Variants in SNRPA observed in about 807,000 individuals in gnomAD.
SNRPA encodes small nuclear ribonucleoprotein polypeptide A, also known as U1 small nuclear ribonucleoprotein A.
A neutral mutation model predicts 24.5 loss-of-function variants in SNRPA; 10 were observed. That is an observed-to-expected ratio of 0.41 (90% CI 0.25 to 0.69). The LOEUF (loss-of-function observed/expected upper bound fraction) is 0.69. SNRPA is among the 30% of genes least tolerant of loss of function. The pLI, the probability that SNRPA is intolerant of heterozygous loss-of-function variation, is 0.33. For synonymous variants in SNRPA, 165 were observed against 148.4 expected, an observed-to-expected ratio of 1.11 and a Z score of -0.81; for missense variants, 283 against 394.7, an observed-to-expected ratio of 0.72 and a Z score of 2.40.
chr19:40,763,440 C>T, intron 4 of SNRPA, 147 bp from the exon 5 acceptor site: 6 of 706,278 alleles, frequency 8.5e-6, no homozygotes, highest in Non-Finnish European at 1.0e-5. Context: ...GGGAGGCAGA[C>T]AGGCAACAGA....
At chr19:40,757,249 C>G (rs1311079394) in intron 1 of SNRPA, 83 bp from the exon 2 acceptor site, 1 of 1,352,188 alleles carries the variant, frequency 7.4e-7, no homozygotes, top group Non-Finnish European at 1.0e-6. Flanking sequence ...CTGGGTACCC[C>G]ATCAATTGGC....
intron 3 of SNRPA, 145 bp from the exon 4 acceptor site, chr19:40,762,756 C>T: frequency 1.4e-6 from 1 of 716,474 alleles, no homozygotes; most frequent in Non-Finnish European, 2.3e-6. Context: ...GTTTGTTTTG[C>T]TCTGTCGGGC....
chr19:40,763,030 C>T lies in SNRPA; in HGVS notation c.556C>T (p.Pro186Ser), dbSNP rs374666711. The change falls in exon 4 of 6, where the codon CCC becomes TCC. Residue 186 changes from proline (P) to serine (S), a missense_variant. Transcript: ENST00000243563. ...APGQIPPGAMPPQQLMPGQMP... is the reference protein window; with the variant it reads ...APGQIPPGAMSPQQLMPGQMP... ...TGGCCAGATCCCACCAGGGGCCATG[C>T]CCCCGCAGCAGCTTATGCCAGGACA... 12 of 1,604,940 alleles carry T rather than the reference C, an allele frequency of 7.5e-6. No individual in the cohort carries two copies. The highest frequency in any genetic ancestry group is 2.2e-5 in the East Asian group (1 of 44,820).
chr19:40,757,167 C>G (rs1446884075), intron 1 of SNRPA, 165 bp from the exon 2 acceptor site: 1 of 626,934 alleles, frequency 1.6e-6, no homozygotes, highest in Non-Finnish European at 2.8e-6. Flanking sequence ...GAAGAGTGTA[C>G]TTGGCCACTT....
At position 40,757,451 on chromosome 19, in the gene SNRPA, G is replaced by A. The variant is rs750727750; in HGVS notation, c.193G>A (p.Ala65Thr). ...TGTCATCTTCAAGGAGGTCAGCAGCGCCACCAACGCCCTGCGCTCCATGCA... is the reference window on the plus strand; with the variant it reads ...TGTCATCTTCAAGGAGGTCAGCAGCACCACCAACGCCCTGCGCTCCATGCA... ...AFVIFKEVSS[A>T]TNALRSMQGF... Residue 65 changes from alanine (A) to threonine (T), a missense_variant, in exon 2 of 6, where the codon GCC becomes ACC. Ala to Thr is a moderately conservative substitution (Grantham distance 58). This residue lies in a region of SNRPA where 12 missense variants were observed against 45.6 expected (regional missense o/e 0.26). Coordinates refer to ENST00000243563, the MANE Select transcript of SNRPA (RefSeq NM_004596.5). The A allele has an allele frequency of 3.1e-6, 5 of 1,613,912 alleles. No homozygotes were observed. The highest frequency in any genetic ancestry group is 2.2e-5 in the South Asian group (2 of 91,072).
At chr19:40,761,458 C>CTTTTTTTTTTTTTTT (rs200242370) in intron 3 of SNRPA, among the ~76,000 whole-genome samples, 26 of 85,874 alleles carry the variant, frequency 3.0e-4, no homozygotes, top group South Asian at 4.6e-4. Context: ...TTTTCTTTTT[C>CTTTTTTTTTTTTTTT]TTTTTTTTTT....
chr19:40,757,618 C>G (rs1006494219), intron 2 of SNRPA, 114 bp downstream of exon 2: 5 of 982,012 alleles, frequency 5.1e-6, no homozygotes, highest in Non-Finnish European at 7.5e-6. Context: ...GAGGCTGGAC[C>G]AGGCTCCCAC....
chr19:40,764,957 G>A (rs781208751), intron 5 of SNRPA, 51 bp from the exon 6 acceptor site: 113 of 1,470,868 alleles, frequency 7.7e-5, no homozygotes, highest in Non-Finnish European at 9.4e-5. Context: ...ACTTGATGCC[G>A]TTACGTTAGG....
intron 2 of SNRPA, among the ~76,000 whole-genome samples, chr19:40,758,139 T>G (rs10153483): frequency 1 from 151,046 of 151,182 alleles, 75,456 homozygotes; most frequent in Middle Eastern, 1. Context: ...GCTGATTTTT[T>G]TATTTTTAGT....
intron 3 of SNRPA, among the ~76,000 whole-genome samples, chr19:40,761,360 A>G (rs1475552907): frequency 6.6e-6 from 1 of 152,014 alleles, no homozygotes; most frequent in Non-Finnish European, 1.5e-5. Context: ...GCCCTACCTC[A>G]TACTATATGC....
At chr19:40,754,025 T>C (rs1409217880) in intron 1 of SNRPA, among the ~76,000 whole-genome samples, 1 of 151,606 alleles carries the variant, frequency 6.6e-6, no homozygotes, top group Admixed American at 6.6e-5. Context: ...ATGGTGTTGA[T>C]TTCCTGACCT....
chr19:40,754,480 C>T (rs777945790), intron 1 of SNRPA, among the ~76,000 whole-genome samples: 19 of 152,042 alleles, frequency 1.2e-4, no homozygotes, highest in Non-Finnish European at 2.2e-4. Flanking sequence ...GTGTTGAGGG[C>T]TGGGATTGGG....
intron 3 of SNRPA, 29 bp from the exon 4 acceptor site, chr19:40,762,872 A>T: frequency 6.2e-7 from 1 of 1,609,502 alleles, no homozygotes; most frequent in Non-Finnish European, 8.5e-7. Context: ...GGCTGCTGTA[A>T]CCACGCACTC....
At chr19:40,751,543 C>G (rs1378216631) in intron 1 of SNRPA, 62 bp downstream of exon 1, 22 of 1,160,180 alleles carry the variant, frequency 1.9e-5, no homozygotes, top group Non-Finnish European at 2.3e-5. Flanking sequence ...CTCTTCCGTC[C>G]CCTGCACCCG....
chr19:40,752,084 TC>T (rs2082875514), intron 1 of SNRPA, among the ~76,000 whole-genome samples: 1 of 150,650 alleles, frequency 6.6e-6, no homozygotes, highest in Non-Finnish European at 1.5e-5. Context: ...CTGTAATCAA[TC>T]CCAGCACTTT....
At chr19:40,753,410 TTTTTG>T in intron 1 of SNRPA, among the ~76,000 whole-genome samples, 2 of 129,674 alleles carry the variant, frequency 1.5e-5, no homozygotes, top group African/African-American at 3.0e-5. Context: ...TTTTTTTTTT[TTTTTG>T]AGGCAGAGTT....
At chr19:40,751,559 C>G in intron 1 of SNRPA, 78 bp downstream of exon 1, 2 of 1,065,234 alleles carry the variant, frequency 1.9e-6, no homozygotes, top group East Asian at 2.4e-5. Flanking sequence ...ACCCGCCTCT[C>G]TTTCTAAGTG....
chr19:40,762,791 C>T, intron 3 of SNRPA, 110 bp from the exon 4 acceptor site: 1 of 1,199,800 alleles, frequency 8.3e-7, no homozygotes, highest in South Asian at 1.4e-5. Flanking sequence ...TTTTGCGCCT[C>T]TTTCTGGGTG....
At chr19:40,763,788 C>A in intron 5 of SNRPA, 113 bp downstream of exon 5, 2 of 866,854 alleles carry the variant, frequency 2.3e-6, no homozygotes, top group Non-Finnish European at 3.9e-6. Context: ...TAGGGCTTTG[C>A]AGAAGGGACA....
Sources: gnomAD v4.1 joint callset for allele counts (sites outside exome capture counted in the v4.1 genomes callset) on GRCh38, gnomAD v4.1.1 for gene constraint, gnomAD v4.1.1 regional missense constraint, MANE v1.5 for transcripts, NCBI Gene and HGNC (gene_info 2026-07-23, HGNC 2026-07-21) for gene names.